The following PREPL variants were observed in gnomAD, a reference collection of about 807,000 sequenced individuals.
PREPL encodes prolyl endopeptidase like.
PREPL carries 77 observed loss-of-function variants against 70.6 expected under a neutral mutation model. The observed-to-expected ratio is 1.09, with a 90% CI of 0.91 to 1.32. The LOEUF (loss-of-function observed/expected upper bound fraction) is 1.32, where lower values mean the gene tolerates loss of function less well. Among genes scored for constraint, PREPL ranks in the 40% most tolerant of loss-of-function variants. The pLI, the probability that PREPL is intolerant of heterozygous loss-of-function variation, is 0.00. For synonymous variants in PREPL, 315 were observed against 264.8 expected, an observed-to-expected ratio of 1.19 and a Z score of -1.84; for missense variants, 1,002 against 778.2, an observed-to-expected ratio of 1.29 and a Z score of -3.42.
At position 44,332,448 on chromosome 2, in the gene PREPL, A is replaced by T. The variant is rs747536626; in HGVS notation, c.1086+11T>A. ...TAAATGGGAGCTGAAAGTGAAGATT[A>T]TAAGACCTACCTTGCTTTTGGCTTC... On this transcript the variant is annotated intron_variant, in intron 8 of 13. Transcript: ENST00000409411. 3.7e-6 allele frequency: 6 copies of T among 1,604,844 alleles called. No individual in the cohort carries two copies. Among genetic ancestry groups the T allele is most frequent in the Middle Eastern group, 1.7e-4 (1 of 6,042 alleles).
chr2:44,346,233 C>CA lies in PREPL; in HGVS notation c.75+34dup, dbSNP rs752254565. ...TCATTTGCATCTTGATTGGTAATATCAAAAATTTTTTTTTAAAGACATGAG... is the reference window on the plus strand; with the variant it reads ...TCATTTGCATCTTGATTGGTAATATCAAAAAATTTTTTTTTAAAGACATGAG... On this transcript the variant is annotated intron_variant, in intron 2 of 13. Transcript: ENST00000409411. The CA allele has an allele frequency of 3.2e-6, 5 of 1,574,874 alleles. No individual in the cohort carries two copies. The South Asian group carries it at 4.6e-5, about 14-fold the overall frequency.
At chr2:44,328,434 CAAACA>C (rs1277387185) in intron 9 of PREPL, among the ~76,000 whole-genome samples, 1 of 6,896 alleles carries the variant, frequency 1.5e-4, no homozygotes, top group Non-Finnish European at 3.9e-4. Context: ...AAAACTGTCT[CAAACA>C]AAAAAAAAAA....
intron 12 of PREPL, among the ~76,000 whole-genome samples, 165 bp downstream of exon 12, chr2:44,322,566 T>C (rs1673081518): frequency 6.6e-6 from 1 of 152,240 alleles, no homozygotes; most frequent in Non-Finnish European, 1.5e-5. Flanking sequence ...TGTATAGACA[T>C]GTAGTTACGT....
rs1001308297 is a variant in PREPL, at chr2:44,318,059, A to G, written c.*3297T>C. 1 of 428,508 alleles carries G rather than the reference A, an allele frequency of 2.3e-6. No individual in the cohort carries two copies. Among genetic ancestry groups the G allele is most frequent in the Admixed American group, 2.7e-5 (1 of 36,794 alleles). 26.5% of individuals were successfully genotyped at this position (428,508 alleles called of 1,614,324 possible). On this transcript the variant is annotated 3_prime_UTR_variant, in exon 14 of 14. Transcript: ENST00000409411. ...ATTCCTAATACTTAGAAATATTTGC[A>G]CATGTGCACAATAATACTTAAAGGA...
rs1480510100 is a variant in PREPL at position 44,328,957 on chromosome 2, T to C, written c.1242A>G (p.Ile414Met). The C allele has an allele frequency of 5.0e-6, 8 of 1,613,610 alleles. No homozygotes were observed. Among genetic ancestry groups the C allele is most frequent in the Non-Finnish European group, 6.8e-6 (8 of 1,179,840 alleles). ...CTCACCGAACATGGCAGTATGCTAATATCCATCCATCATCCACCAGGACCC... is the reference window on the plus strand; with the variant it reads ...CTCACCGAACATGGCAGTATGCTAACATCCATCCATCATCCACCAGGACCC... ...ERRVLVDDGWILAYCHVRGGG... is the reference protein window; with the variant it reads ...ERRVLVDDGWMLAYCHVRGGG... Residue 414 changes from isoleucine to methionine, a missense_variant, in exon 9 of 14, where the codon ATA becomes ATG. Transcript: ENST00000409411.
chr2:44,355,968 GGAT>G (rs1006465657), intron 1 of PREPL, among the ~76,000 whole-genome samples: 1 of 152,118 alleles, frequency 6.6e-6, no homozygotes, highest in African/African-American at 2.4e-5. Context: ...GAGCAGAGCA[GGAT>G]GATGTGGAAG....
intron 2 of PREPL, among the ~76,000 whole-genome samples, chr2:44,345,408 G>C (rs1675689238): frequency 6.6e-6 from 1 of 151,824 alleles, no homozygotes; most frequent in Admixed American, 6.6e-5. Context: ...CTGGAGTGCA[G>C]TGGTGCAATC....
intron 7 of PREPL, among the ~76,000 whole-genome samples, chr2:44,336,502 AAGG>A (rs2103888764): frequency 6.6e-6 from 1 of 152,286 alleles, no homozygotes; most frequent in Admixed American, 6.5e-5. Flanking sequence ...ACATGGACAC[AAGG>A]AAGAGAATAA....
rs1053610939 is a variant in PREPL at position 44,319,339 on chromosome 2, T to G, written c.*2017A>C. The stretch of plus-strand genomic sequence containing the variant: ...TTATGTATCAAGTGCCCATACTCTT[T>G]GACAAAGTAACTGTCTTTCTGATAA... On this transcript the variant is annotated 3_prime_UTR_variant, in exon 14 of 14. Coordinates refer to ENST00000409411, the MANE Select transcript of PREPL (RefSeq NM_001171613.2). 3.3e-5 allele frequency: 5 copies of G among 152,232 alleles called. No individual in the cohort carries two copies. The highest frequency in any genetic ancestry group is 1.2e-4 in the African/African-American group (5 of 41,422). The allele number at this position is 152,232 out of a possible 1,614,324, so 9.4% of individuals were successfully genotyped here.
chr2:44,325,572 G>A (rs1414703895), intron 10 of PREPL, among the ~76,000 whole-genome samples: 2 of 152,112 alleles, frequency 1.3e-5, no homozygotes, highest in African/African-American at 4.8e-5. Flanking sequence ...AAGCAACCTA[G>A]CATAAATATC....
rs749961362 is a variant in PREPL at position 44,346,305 on chromosome 2, G to T, written c.38C>A (p.Thr13Lys). The T allele has an allele frequency of 1.2e-6, 2 of 1,612,536 alleles. No homozygotes were observed. Among genetic ancestry groups the T allele is most frequent in the Admixed American group, 3.3e-5 (2 of 59,932 alleles). ...GATTTCATATTCTTCTTGTGGCTGT[G>T]TTTCTAATTTTGTTCTCACTTTTTC... is the stretch of plus-strand genomic sequence containing the variant. ...AFEKVRTKLE[T>K]QPQEEYEIIN... The change falls in exon 2 of 14, where the codon ACA becomes AAA. Residue 13 changes from threonine to lysine, a missense_variant. Thr to Lys is a moderately conservative substitution (Grantham distance 78). Coordinates refer to ENST00000409411, the MANE Select transcript of PREPL (RefSeq NM_001171613.2).
rs756822522 is a variant in PREPL, at chr2:44,326,765, C to A, written c.1426G>T (p.Ala476Ser). Residue 476 changes from alanine (A) to serine (S), a missense_variant, in exon 10 of 14, where the codon GCA (alanine) becomes TCA (serine). By Grantham distance (99) the Ala-to-Ser change is moderately conservative. Coordinates refer to ENST00000409411, the MANE Select transcript of PREPL (RefSeq NM_001171613.2). ...LTAFSAGGVL[A>S]GALCNSNPEL... Reference sequence around the variant, plus strand: ...GGATTAGAATTACACAATGCTCCTGCAAGCACCCCTCCAGCACTGAAAGCA... The same window carrying A: ...GGATTAGAATTACACAATGCTCCTGAAAGCACCCCTCCAGCACTGAAAGCA... 9 of 1,614,184 alleles carry A rather than the reference C, an allele frequency of 5.6e-6. No individual in the cohort carries two copies. The highest frequency in any genetic ancestry group is 2.2e-5 in the East Asian group (1 of 44,892).
Position 44,333,714 on chromosome 2 carries a change from A to T in PREPL, c.889-1058T>A, listed in dbSNP as rs141736676. Among the ~76,000 whole-genome samples the T allele has an allele frequency of 3.4e-3, 517 of 152,342 alleles. 2 individuals are homozygous for T. Among genetic ancestry groups the T allele is most frequent in the African/African-American group, 0.011 (455 of 41,580 alleles). On this transcript the variant is annotated intron_variant, in intron 7 of 13. Coordinates refer to ENST00000409411, the MANE Select transcript of PREPL (RefSeq NM_001171613.2). ...CTCCTAATGTATGCTTCTCACATTGAGGGTTGTTTTAAAGGATAACTTGTC... is the reference window on the plus strand; with the variant it reads ...CTCCTAATGTATGCTTCTCACATTGTGGGTTGTTTTAAAGGATAACTTGTC...
intron 5 of PREPL, among the ~76,000 whole-genome samples, chr2:44,341,032 T>C (rs549057600): frequency 1.3e-5 from 2 of 152,244 alleles, no homozygotes; most frequent in East Asian, 1.9e-4. Context: ...GTTTTTGTGG[T>C]TTTTGACTTG....
At chr2:44,340,043 T>C (rs1037298587) in intron 5 of PREPL, among the ~76,000 whole-genome samples, 12 of 152,106 alleles carry the variant, frequency 7.9e-5, no homozygotes, top group Admixed American at 7.9e-4. Context: ...GATGTAATTA[T>C]AGATACAATT....
intron 1 of PREPL, chr2:44,359,763 G>C: frequency 7.5e-7 from 1 of 1,329,314 alleles, no homozygotes; most frequent in Non-Finnish European, 1.1e-6. Context: ...GCCAGCACAC[G>C]AATGATTTTA....
chr2:44,360,901 G>C (rs1677683352), intron 1 of PREPL, among the ~76,000 whole-genome samples: 1 of 152,154 alleles, frequency 6.6e-6, no homozygotes, highest in Admixed American at 6.5e-5. Context: ...GTAGAATGCT[G>C]CGTCAAATTT....
At chr2:44,360,855 T>C (rs779874856) in intron 1 of PREPL, among the ~76,000 whole-genome samples, 2 of 152,216 alleles carry the variant, frequency 1.3e-5, no homozygotes, top group Non-Finnish European at 2.9e-5. Context: ...AATGTCATTA[T>C]GGAAGTCTTC....
At chr2:44,332,182 G>A (rs976910094) in intron 8 of PREPL, among the ~76,000 whole-genome samples, 12 of 151,978 alleles carry the variant, frequency 7.9e-5, no homozygotes, top group African/African-American at 2.4e-4. Context: ...TCCTGACCTC[G>A]TGATCCACCC....
Sources: allele counts gnomAD v4.1 joint callset (sites outside exome capture counted in the v4.1 genomes callset), GRCh38; gene constraint gnomAD v4.1.1; transcripts MANE v1.5; gene names NCBI Gene and HGNC (gene_info 2026-07-23, HGNC 2026-07-21).